The following KSR2 variants were observed in gnomAD, a reference collection of about 807,000 sequenced individuals.
KSR2 encodes kinase suppressor of ras 2.
Under a neutral mutation model 107.8 loss-of-function variants are expected in KSR2, and 25 were observed. The ratio of observed to expected loss-of-function variants is 0.23; its 90% CI spans 0.17 to 0.32. The LOEUF is 0.32. Among genes scored for constraint, KSR2 ranks in the 10% least tolerant of loss-of-function variants. The probability of loss-of-function intolerance (pLI) is 1.00; values close to 1 mark genes in which losing one functional copy is unlikely to be tolerated. For synonymous variants in KSR2, 480 were observed against 507.0 expected, an observed-to-expected ratio of 0.95 and a Z score of 0.71; for missense variants, 887 against 1,268.9, an observed-to-expected ratio of 0.70 and a Z score of 4.57.
chr12:117,568,505 T>G (rs184442875), intron 7 of KSR2, among the ~76,000 whole-genome samples: 153 of 152,282 alleles, frequency 1.0e-3, no homozygotes, highest in Admixed American at 1.7e-3. Flanking sequence ...GGATCGTGAA[T>G]CTGAGCGATC....
At chr12:117,832,374 CA>C (rs1892008011) in intron 3 of KSR2, among the ~76,000 whole-genome samples, 1 of 152,222 alleles carries the variant, frequency 6.6e-6, no homozygotes, top group Non-Finnish European at 1.5e-5. Flanking sequence ...CAATTTATTT[CA>C]ACAGAGAAAT....
chr12:117,649,234 T>A (rs1212311521), intron 5 of KSR2, among the ~76,000 whole-genome samples: 1 of 152,178 alleles, frequency 6.6e-6, no homozygotes, highest in Non-Finnish European at 1.5e-5. Context: ...TTTGCCTGCA[T>A]CCTAGAGGGC....
intron 3 of KSR2, among the ~76,000 whole-genome samples, chr12:117,826,351 C>T (rs541493111): frequency 1.3e-5 from 2 of 152,166 alleles, no homozygotes; most frequent in African/African-American, 4.8e-5. Context: ...TGCTGTGCAG[C>T]CTCAGCCAGA....
rs12320221 is a variant in KSR2 at position 117,492,738 on chromosome 12, C to A, written c.2220-7047G>T. Among the ~76,000 whole-genome samples the A allele has an allele frequency of 1.1e-3, 174 of 152,162 alleles. 1 individual carries two copies. The highest frequency in any genetic ancestry group is 4.1e-3 in the African/African-American group (170 of 41,500). On this transcript the variant is annotated intron_variant, in intron 14 of 19. Coordinates refer to ENST00000339824, the MANE Select transcript of KSR2 (RefSeq NM_173598.6). Reference sequence around the variant, plus strand: ...GGCCAGATGGATGTAATCGCAGGGTCTTCAAAAGCAAAGGGGGAGACAAAA... The same window carrying A: ...GGCCAGATGGATGTAATCGCAGGGTATTCAAAAGCAAAGGGGGAGACAAAA...
intron 5 of KSR2, among the ~76,000 whole-genome samples, chr12:117,609,023 C>T (rs992605515): frequency 1.3e-5 from 2 of 152,108 alleles, no homozygotes; most frequent in African/African-American, 2.4e-5. Flanking sequence ...TCATATTCCC[C>T]TTGGTCTATC....
intron 1 of KSR2, among the ~76,000 whole-genome samples, chr12:117,966,611 T>TCACACACACA (rs1377075943): frequency 0.018 from 1,352 of 77,198 alleles, 28 homozygotes; most frequent in African/African-American, 0.064. Flanking sequence ...TCTCTCTCTC[T>TCACACACACA]CACACGCGCA....
At chr12:117,698,485 T>C (rs1886162294) in intron 4 of KSR2, among the ~76,000 whole-genome samples, 1 of 152,100 alleles carries the variant, frequency 6.6e-6, no homozygotes, top group Non-Finnish European at 1.5e-5. Flanking sequence ...CCAGCTATTT[T>C]TTTTTTCCTT....
chr12:117,826,744 A>T (rs1891768598), intron 3 of KSR2, among the ~76,000 whole-genome samples: 2 of 151,826 alleles, frequency 1.3e-5, no homozygotes, highest in African/African-American at 4.8e-5. Flanking sequence ...AGAGAGACAG[A>T]ACTGATTCAA....
chr12:117,585,057 T>TGTGTGTGTGTGTGC (rs1014663785), intron 5 of KSR2, among the ~76,000 whole-genome samples: 1 of 151,824 alleles, frequency 6.6e-6, no homozygotes, highest in Admixed American at 6.5e-5. Context: ...TGTGTGTGTC[T>TGTGTGTGTGTGTGC]GTGTGTGTGT....
intron 4 of KSR2, among the ~76,000 whole-genome samples, chr12:117,747,169 C>A (rs1314331320): frequency 6.6e-6 from 1 of 152,136 alleles, no homozygotes; most frequent in African/African-American, 2.4e-5. Flanking sequence ...ATAGCAAAGA[C>A]CTGGAACCAA....
intron 1 of KSR2, among the ~76,000 whole-genome samples, chr12:117,900,272 C>G (rs1372898559): frequency 2.0e-5 from 3 of 152,162 alleles, no homozygotes; most frequent in Non-Finnish European, 4.4e-5. Flanking sequence ...GACTGTTACT[C>G]AATACATAAA....
intron 4 of KSR2, among the ~76,000 whole-genome samples, chr12:117,692,108 G>C (rs1885839171): frequency 6.6e-6 from 1 of 152,074 alleles, no homozygotes; most frequent in African/African-American, 2.4e-5. Flanking sequence ...AGAGGAAAGG[G>C]AACAGAAAGA....
intron 14 of KSR2, among the ~76,000 whole-genome samples, chr12:117,509,421 C>A (rs563308651): frequency 1.3e-5 from 2 of 152,030 alleles, no homozygotes; most frequent in East Asian, 3.9e-4. Context: ...GAAAAGGGAC[C>A]GAAAGAAAGA....
intron 16 of KSR2, among the ~76,000 whole-genome samples, chr12:117,480,495 T>C (rs78883972): frequency 6.6e-6 from 1 of 152,108 alleles, no homozygotes; most frequent in African/African-American, 2.4e-5. Flanking sequence ...TCTAAAACGA[T>C]ACCTTTTCTT....
In KSR2 at chr12:117,764,706, C is replaced by T. The variant is rs1047471534; in HGVS notation, c.473-3182G>A. On this transcript the variant is annotated intron_variant, in intron 3 of 19. Transcript: ENST00000339824. Reference sequence around the variant, plus strand: ...ACATTAGCCCAGTGAGTAAGAGAGTCAACGCTGGAGTCGGATGACTTGGGC... The same window carrying T: ...ACATTAGCCCAGTGAGTAAGAGAGTTAACGCTGGAGTCGGATGACTTGGGC... Among the ~76,000 whole-genome samples, 12 of 152,184 alleles carry T rather than the reference C, an allele frequency of 7.9e-5. No homozygotes were observed. The South Asian group carries it at 8.3e-4, about 11-fold the overall frequency.
intron 3 of KSR2, among the ~76,000 whole-genome samples, chr12:117,772,162 G>GCATATA (rs1210221035): frequency 8.6e-5 from 10 of 116,524 alleles, no homozygotes; most frequent in African/African-American, 3.4e-4. Flanking sequence ...CCCCAAAGAC[G>GCATATA]CACATACACA....
intron 5 of KSR2, among the ~76,000 whole-genome samples, chr12:117,657,341 G>A (rs966682192): frequency 6.6e-6 from 1 of 152,030 alleles, no homozygotes. Flanking sequence ...CATGAACAGA[G>A]CCCTTAGATC....
At chr12:117,740,488 AT>A (rs1565990098) in intron 4 of KSR2, among the ~76,000 whole-genome samples, 4 of 130,774 alleles carry the variant, frequency 3.1e-5, no homozygotes, top group African/African-American at 1.2e-4. Context: ...AACATATAAT[AT>A]ATATGTTATA....
At chr12:117,797,106 T>G (rs1363058939) in intron 3 of KSR2, among the ~76,000 whole-genome samples, 1 of 152,124 alleles carries the variant, frequency 6.6e-6, no homozygotes, top group Non-Finnish European at 1.5e-5. Context: ...AAACATAGAA[T>G]GACCACAGGA....
Sources: allele counts gnomAD v4.1 joint callset (sites outside exome capture counted in the v4.1 genomes callset), GRCh38; gene constraint gnomAD v4.1.1; transcripts MANE v1.5; gene names NCBI Gene and HGNC (gene_info 2026-07-23, HGNC 2026-07-21).